TMEM158: variants seen among roughly 807,000 people sequenced by gnomAD.
TMEM158 encodes the protein 40 kDa BINP-binding protein.
In TMEM158, 7 loss-of-function variants were observed where a neutral mutation model predicts 12.0. The observed-to-expected ratio is 0.59, with a 90% CI of 0.33 to 1.10. TMEM158 has a LOEUF of 1.10. Ranked by LOEUF, TMEM158 falls within the 50% of genes least tolerant of loss-of-function variation. The pLI, the probability that TMEM158 is intolerant of heterozygous loss-of-function variation, is 0.03. For synonymous variants in TMEM158, 209 were observed against 231.1 expected, an observed-to-expected ratio of 0.90 and a Z score of 0.87; for missense variants, 405 against 454.7, an observed-to-expected ratio of 0.89 and a Z score of 0.99.
In TMEM158 at chr3:45,225,550, C is replaced by T. The variant is rs1171420520; in HGVS notation, c.478G>A (p.Ala160Thr). 3 of 1,031,946 alleles carry T rather than the reference C, an allele frequency of 2.9e-6. No individual in the cohort carries two copies. The highest frequency in any genetic ancestry group is 3.5e-6 in the Non-Finnish European group (3 of 862,576). The allele number at this position is 1,031,946 out of a possible 1,614,324, so 63.9% of individuals were successfully genotyped here. A position where few individuals can be genotyped will look rare whatever the true frequency, so the allele number is the denominator to read the frequency against. Residue 160 changes from alanine (A) to threonine (T), a missense_variant, in exon 1 of 1, where the codon GCC (alanine) becomes ACC (threonine). By Grantham distance (58) the Ala-to-Thr change is moderately conservative. Transcript: ENST00000503771. The surrounding 1 kb of genome is among the most constrained non-coding windows in gnomAD (Gnocchi z 5.7). Reference protein sequence around the residue: ...RGRRTGRLRPAAAPSAAAATA... With the variant: ...RGRRTGRLRPTAAPSAAAATA... ...GCGGCGGCGGCGCTGGGGGCGGCGG[C>T]GGGCCGGAGGCGGCCGGTGCGGCGA...
rs1700149847 is a variant in TMEM158 at position 45,225,574 on chromosome 3, G to T, written c.454C>A (p.Arg152Ser). ...GCGGGCCGGAGGCGGCCGGTGCGGC[G>T]ACCGCGCACCCAGCCGCAGCCCACG... ...LCVGCGWVRG[R>S]RTGRLRPAAA... Residue 152 changes from arginine to serine, a missense_variant, in exon 1 of 1, where the codon CGC becomes AGC. Transcript: ENST00000503771. This position sits in a 1 kb window ranked among gnomAD's most constrained non-coding sequence, Gnocchi z 5.7. 1 of 1,129,538 alleles carries T rather than the reference G, an allele frequency of 8.9e-7. No individual in the cohort carries two copies. Among genetic ancestry groups the T allele is most frequent in the South Asian group, 3.8e-5 (1 of 26,002 alleles). 70.0% of individuals were successfully genotyped at this position (1,129,538 alleles called of 1,614,324 possible).
Position 45,225,634 on chromosome 3 carries a change from C to T in TMEM158, c.394G>A (p.Ala132Thr). 2 of 1,412,252 alleles carry T rather than the reference C, an allele frequency of 1.4e-6. No individual in the cohort carries two copies. The highest frequency in any genetic ancestry group is 1.9e-6 in the Non-Finnish European group (2 of 1,079,370). 87.5% of individuals were successfully genotyped at this position (1,412,252 alleles called of 1,614,324 possible). ...AGGTCCTGCTGCGCGCCGCCCGCCG[C>T]CAGCCCCAGGTGCTCGATGAGCAGC... is the stretch of plus-strand genomic sequence containing the variant. ...PPLLIEHLGL[A>T]AGGAQQDLRL... is the part of the protein sequence containing the mutation. Residue 132 changes from alanine to threonine, a missense_variant, in exon 1 of 1, where the codon GCG becomes ACG. By Grantham distance (58) the Ala-to-Thr change is moderately conservative. Transcript: ENST00000503771. The surrounding 1 kb of genome is among the most constrained non-coding windows in gnomAD (Gnocchi z 5.7).
In TMEM158 at chr3:45,226,237, G is replaced by A; in HGVS notation, c.-210C>T. On this transcript the variant is annotated 5_prime_UTR_variant, in exon 1 of 1. Coordinates refer to ENST00000503771, the MANE Select transcript of TMEM158 (RefSeq NM_015444.3). ...ATCCCTCCAGACCCGGTTGCGTTTG[G>A]GGTTCCCCGCCGCCCCCGGCGCCGG... 9.4e-6 allele frequency: 5 copies of A among 533,390 alleles called. No homozygotes were observed. The highest frequency in any genetic ancestry group is 2.1e-5 in the African/African-American group (1 of 48,436). 33.0% of individuals were successfully genotyped at this position (533,390 alleles called of 1,614,324 possible).
rs1304276067 is a variant in TMEM158, at chr3:45,225,291, G to C, written c.737C>G (p.Pro246Arg). The change falls in exon 1 of 1, where the codon CCC (proline) becomes CGC (arginine). Residue 246 changes from proline (P) to arginine (R), a missense_variant. Coordinates refer to ENST00000503771, the MANE Select transcript of TMEM158 (RefSeq NM_015444.3). The surrounding 1 kb of genome is among the most constrained non-coding windows in gnomAD (Gnocchi z 5.7). The part of the protein sequence containing the change: ...WSVAALIWPV[P>R]IIAGFLPNGM... ...GTTGGGCAGGAAGCCGGCGATGATG[G>C]GCACCGGCCAGATGAGGGCGGCCAC... 6.8e-7 allele frequency: 1 copy of C among 1,463,694 alleles called. No individual in the cohort carries two copies. The highest frequency in any genetic ancestry group is 9.1e-7 in the Non-Finnish European group (1 of 1,098,146). 90.7% of individuals were successfully genotyped at this position (1,463,694 alleles called of 1,614,324 possible). A position where few individuals can be genotyped will look rare whatever the true frequency, so the allele number is the denominator to read the frequency against.
Position 45,225,393 on chromosome 3 carries a change from C to T in TMEM158, c.635G>A (p.Gly212Asp), listed in dbSNP as rs1174968793. 1.3e-6 allele frequency: 2 copies of T among 1,490,380 alleles called. No individual in the cohort carries two copies. The allele number at this position is 1,490,380 out of a possible 1,614,324, so 92.3% of individuals were successfully genotyped here. A position where few individuals can be genotyped will look rare whatever the true frequency, so the allele number is the denominator to read the frequency against. Residue 212 changes from glycine (G) to aspartate (D), a missense_variant, in exon 1 of 1, where the codon GGC (glycine) becomes GAC (aspartate). Coordinates refer to ENST00000503771, the MANE Select transcript of TMEM158 (RefSeq NM_015444.3). This position sits in a 1 kb window ranked among gnomAD's most constrained non-coding sequence, Gnocchi z 5.7. ...AATGGGCTTACGGTTCAGCCGCCAG[C>T]CCGGCTCGCCCTGCAGCTCCTCCAG... is the stretch of plus-strand genomic sequence containing the variant. ...FSLEELQGEP[G>D]WRLNRKPIES...
rs1307916484 is a variant in TMEM158 at position 45,225,116 on chromosome 3, C to T, written c.*9G>A. ...GACACAGGACGGACACAGGGAGGAG[C>T]GGAGCGGGTCACTTGGTCGCCACCC... is the stretch of plus-strand genomic sequence containing the variant. On this transcript the variant is annotated 3_prime_UTR_variant, in exon 1 of 1. Coordinates refer to ENST00000503771, the MANE Select transcript of TMEM158 (RefSeq NM_015444.3). This position sits in a 1 kb window ranked among gnomAD's most constrained non-coding sequence, Gnocchi z 5.7. 8 of 1,251,472 alleles carry T rather than the reference C, an allele frequency of 6.4e-6. No individual in the cohort carries two copies. The highest frequency in any genetic ancestry group is 1.6e-5 in the African/African-American group (1 of 64,238). The allele number at this position is 1,251,472 out of a possible 1,614,324, so 77.5% of individuals were successfully genotyped here.
In TMEM158 at chr3:45,225,155, CGCGGCG is replaced by C. The variant is rs890641873; in HGVS notation, c.867_872del (p.Ala291_Ala292del). 1.6e-6 allele frequency: 2 copies of C among 1,261,878 alleles called. No individual in the cohort carries two copies. The highest frequency in any genetic ancestry group is 2.0e-6 in the Non-Finnish European group (2 of 1,007,884). The allele number at this position is 1,261,878 out of a possible 1,614,324, so 78.2% of individuals were successfully genotyped here. ...TGGTCGCCACCCCCGAAGTGACGGC[CGCGGCG>C]GCGGCGGCAGCGGCGGCGGCGGCGG... On this transcript the variant is annotated inframe_deletion, in exon 1 of 1. Transcript: ENST00000503771. This position sits in a 1 kb window ranked among gnomAD's most constrained non-coding sequence, Gnocchi z 5.7.
At position 45,225,874 on chromosome 3, in the gene TMEM158, C is replaced by G; in HGVS notation, c.154G>C (p.Ala52Pro). The G allele has an allele frequency of 8.2e-7, 1 of 1,219,072 alleles. No homozygotes were observed. Among genetic ancestry groups the G allele is most frequent in the Non-Finnish European group, 1.0e-6 (1 of 983,116 alleles). 75.5% of individuals were successfully genotyped at this position (1,219,072 alleles called of 1,614,324 possible). Reference protein sequence around the residue: ...ADEPIAPRLLASAAPGPPERP... With the variant: ...ADEPIAPRLLPSAAPGPPERP... ...TCGGGGGGCCCGGGGGCCGCCGAGG[C>G]CAGCAGCCGCGGGGCGATGGGCTCG... The change falls in exon 1 of 1, where the codon GCC (alanine) becomes CCC (proline). Residue 52 changes from alanine to proline, a missense_variant. By Grantham distance (27) the Ala-to-Pro change is conservative (BLOSUM62 -1). Transcript: ENST00000503771. This position sits in a 1 kb window ranked among gnomAD's most constrained non-coding sequence, Gnocchi z 5.7.
rs1246581683 is a variant in TMEM158, at chr3:45,224,718, CT to C, written c.*406del. 6.1e-6 allele frequency: 1 copy of C among 163,022 alleles called. No homozygotes were observed. The highest frequency in any genetic ancestry group is 1.3e-5 in the Non-Finnish European group (1 of 75,390). 10.1% of individuals were successfully genotyped at this position (163,022 alleles called of 1,614,324 possible). On this transcript the variant is annotated 3_prime_UTR_variant, in exon 1 of 1. Transcript: ENST00000503771. ...CTTACTACAGCAATAGCAATTTAATCTTTTTGTTTTGTATTTTTTTTACTAA... is the reference window on the plus strand; with the variant it reads ...CTTACTACAGCAATAGCAATTTAATCTTTTGTTTTGTATTTTTTTTACTAA...
chr3:45,225,850 C>T lies in TMEM158; in HGVS notation c.178G>A (p.Glu60Lys), dbSNP rs976544348. ...GCCGCCTCCTCCGGGCCCGGGCGCT[C>T]GGGGGGCCCGGGGGCCGCCGAGGCC... ...LLASAAPGPP[E>K]RPGPEEAAAA... The change falls in exon 1 of 1, where the codon GAG becomes AAG. Residue 60 changes from glutamate (E) to lysine (K), a missense_variant. Glu to Lys is a moderately conservative substitution (Grantham distance 56). Coordinates refer to ENST00000503771, the MANE Select transcript of TMEM158 (RefSeq NM_015444.3). The surrounding 1 kb of genome is among the most constrained non-coding windows in gnomAD (Gnocchi z 5.7). 2.5e-6 allele frequency: 3 copies of T among 1,220,944 alleles called. No individual in the cohort carries two copies. Among genetic ancestry groups the T allele is most frequent in the African/African-American group, 1.6e-5 (1 of 61,550 alleles). The allele number at this position is 1,220,944 out of a possible 1,614,324, so 75.6% of individuals were successfully genotyped here.
chr3:45,225,924 G>T lies in TMEM158; in HGVS notation c.104C>A (p.Ala35Asp), dbSNP rs1576163988. 1 of 1,173,980 alleles carries T rather than the reference G, an allele frequency of 8.5e-7. No individual in the cohort carries two copies. Among genetic ancestry groups the T allele is most frequent in the Non-Finnish European group, 1.0e-6 (1 of 954,154 alleles). The allele number at this position is 1,173,980 out of a possible 1,614,324, so 72.7% of individuals were successfully genotyped here. ...APGLLGVPSN[A>D]SVNASSADEP... ...GTCCGCGGAGGACGCGTTGACTGAA[G>T]CATTGGAGGGCACCCCGAGGAGGCC... The change falls in exon 1 of 1, where the codon GCT (alanine) becomes GAT (aspartate). Residue 35 changes from alanine to aspartate, a missense_variant. Transcript: ENST00000503771. This position sits in a 1 kb window ranked among gnomAD's most constrained non-coding sequence, Gnocchi z 5.7.
chr3:45,224,970 C>T lies in TMEM158; in HGVS notation c.*155G>A. ...TTCGGAACTGGAAGCGCAGCACAAA[C>T]CTTGCTTTTCAAAGGCGCTGGGGTC... On this transcript the variant is annotated 3_prime_UTR_variant, in exon 1 of 1. Coordinates refer to ENST00000503771, the MANE Select transcript of TMEM158 (RefSeq NM_015444.3). The T allele has an allele frequency of 8.6e-7, 1 of 1,157,016 alleles. No homozygotes were observed. Among genetic ancestry groups the T allele is most frequent in the Non-Finnish European group, 1.1e-6 (1 of 931,586 alleles). The allele number at this position is 1,157,016 out of a possible 1,614,324, so 71.7% of individuals were successfully genotyped here. A position where few individuals can be genotyped will look rare whatever the true frequency, so the allele number is the denominator to read the frequency against.
At position 45,225,253 on chromosome 3, in the gene TMEM158, G is replaced by T; in HGVS notation, c.775C>A (p.Arg259Ser). The T allele has an allele frequency of 7.2e-7, 1 of 1,397,578 alleles. No homozygotes were observed. Among genetic ancestry groups the T allele is most frequent in the Non-Finnish European group, 9.4e-7 (1 of 1,061,348 alleles). 86.6% of individuals were successfully genotyped at this position (1,397,578 alleles called of 1,614,324 possible). A position where few individuals can be genotyped will look rare whatever the true frequency, so the allele number is the denominator to read the frequency against. ...AGFLPNGMEQRRTTASTTAAT... is the reference protein window; with the variant it reads ...AGFLPNGMEQSRTTASTTAAT... ...GCGGTGGTGCTGGCGGTGGTCCGGC[G>T]CTGTTCCATGCCGTTGGGCAGGAAG... The change falls in exon 1 of 1, where the codon CGC becomes AGC. Residue 259 changes from arginine to serine, a missense_variant. Transcript: ENST00000503771. This position sits in a 1 kb window ranked among gnomAD's most constrained non-coding sequence, Gnocchi z 5.7.
In TMEM158 at chr3:45,224,980, C is replaced by G. The variant is rs1700138993; in HGVS notation, c.*145G>C. 1.7e-6 allele frequency: 2 copies of G among 1,178,246 alleles called. No individual in the cohort carries two copies. Among genetic ancestry groups the G allele is most frequent in the Admixed American group, 4.5e-5 (1 of 22,234 alleles). The allele number at this position is 1,178,246 out of a possible 1,614,324, so 73.0% of individuals were successfully genotyped here. Reference sequence around the variant, plus strand: ...GAAGCGCAGCACAAACCTTGCTTTTCAAAGGCGCTGGGGTCTCTCGGCGGC... The same window carrying G: ...GAAGCGCAGCACAAACCTTGCTTTTGAAAGGCGCTGGGGTCTCTCGGCGGC... On this transcript the variant is annotated 3_prime_UTR_variant, in exon 1 of 1. Transcript: ENST00000503771.
At position 45,226,190 on chromosome 3, in the gene TMEM158, C is replaced by T. The variant is rs1700158463; in HGVS notation, c.-163G>A. The T allele has an allele frequency of 1.1e-6, 1 of 914,344 alleles. No homozygotes were observed. The highest frequency in any genetic ancestry group is 5.0e-5 in the South Asian group (1 of 20,062). 56.6% of individuals were successfully genotyped at this position (914,344 alleles called of 1,614,324 possible). On this transcript the variant is annotated 5_prime_UTR_variant, in exon 1 of 1. Coordinates refer to ENST00000503771, the MANE Select transcript of TMEM158 (RefSeq NM_015444.3). ...CGCAGGGGCGGCGCGGAGGCGGTGA[C>T]GGCGGCTGGCTCGGCGCGGGGATCC...
Position 45,225,265 on chromosome 3 carries a change from C to G in TMEM158, c.763G>C (p.Gly255Arg). 7.0e-7 allele frequency: 1 copy of G among 1,421,556 alleles called. No homozygotes were observed. Among genetic ancestry groups the G allele is most frequent in the Non-Finnish European group, 9.3e-7 (1 of 1,073,924 alleles). 88.1% of individuals were successfully genotyped at this position (1,421,556 alleles called of 1,614,324 possible). ...GCGGTGGTCCGGCGCTGTTCCATGC[C>G]GTTGGGCAGGAAGCCGGCGATGATG... ...VPIIAGFLPN[G>R]MEQRRTTAST... is the part of the protein sequence containing the mutation. Residue 255 changes from glycine to arginine, a missense_variant, in exon 1 of 1, where the codon GGC becomes CGC. By Grantham distance (125) the Gly-to-Arg change is moderately radical. Transcript: ENST00000503771. This position sits in a 1 kb window ranked among gnomAD's most constrained non-coding sequence, Gnocchi z 5.7.
chr3:45,225,503 CGCGGTGGGCGCCCCG>C lies in TMEM158; in HGVS notation c.510_524del (p.Gly171_Ala175del). On this transcript the variant is annotated inframe_deletion, in exon 1 of 1. Transcript: ENST00000503771. The surrounding 1 kb of genome is among the most constrained non-coding windows in gnomAD (Gnocchi z 5.7). ...GCTCGGCCGCGGGGTAGGCTGGCAGCGCGGTGGGCGCCCCGGCGGTGGCGGCGGCGGCGCTGGGGG... is the reference window on the plus strand; with the variant it reads ...GCTCGGCCGCGGGGTAGGCTGGCAGCGCGGTGGCGGCGGCGGCGCTGGGGG... 8.5e-7 allele frequency: 1 copy of C among 1,179,164 alleles called. No homozygotes were observed. Among genetic ancestry groups the C allele is most frequent in the Non-Finnish European group, 1.1e-6 (1 of 947,808 alleles). 73.0% of individuals were successfully genotyped at this position (1,179,164 alleles called of 1,614,324 possible).
rs1032260350 is a variant in TMEM158 at position 45,224,912 on chromosome 3, C to T, written c.*213G>A. ...CCTCTCCGTCTTCGGAGCTGCGATC[C>T]CACCCTCAGTCCAAGGGCTTAAACA... On this transcript the variant is annotated 3_prime_UTR_variant, in exon 1 of 1. Transcript: ENST00000503771. 2.2e-5 allele frequency: 18 copies of T among 816,920 alleles called. No homozygotes were observed. The highest frequency in any genetic ancestry group is 2.9e-5 in the Non-Finnish European group (18 of 622,662). The allele number at this position is 816,920 out of a possible 1,614,324, so 50.6% of individuals were successfully genotyped here.
In TMEM158 at chr3:45,225,461, C is replaced by A; in HGVS notation, c.567G>T (p.Trp189Cys). Residue 189 changes from tryptophan (W) to cysteine (C), a missense_variant, in exon 1 of 1, where the codon TGG becomes TGT. Coordinates refer to ENST00000503771, the MANE Select transcript of TMEM158 (RefSeq NM_015444.3). The surrounding 1 kb of genome is among the most constrained non-coding windows in gnomAD (Gnocchi z 5.7). Reference protein sequence around the residue: ...YPAAEPPGPLWLQGEPLHFCC... With the variant: ...YPAAEPPGPLCLQGEPLHFCC... ...AGAAATGCAGCGGCTCGCCCTGCAG[C>A]CACAGCGGCCCGGGCGGCTCGGCCG... 1 of 1,338,028 alleles carries A rather than the reference C, an allele frequency of 7.5e-7. No individual in the cohort carries two copies. Among genetic ancestry groups the A allele is most frequent in the Non-Finnish European group, 9.8e-7 (1 of 1,025,028 alleles). The allele number at this position is 1,338,028 out of a possible 1,614,324, so 82.9% of individuals were successfully genotyped here. A position where few individuals can be genotyped will look rare whatever the true frequency, so the allele number is the denominator to read the frequency against.
Sources: allele counts gnomAD v4.1 joint callset, GRCh38; gene constraint gnomAD v4.1.1; non-coding constraint Gnocchi (gnomAD v3.1); transcripts MANE v1.5; gene names NCBI Gene and HGNC (gene_info 2026-07-23, HGNC 2026-07-21).